Variants in FAM193A observed in about 807,000 individuals in gnomAD.
FAM193A encodes family with sequence similarity 193 member A, also known as protein FAM193A.
A neutral mutation model predicts 126.5 loss-of-function variants in FAM193A; 22 were observed. The ratio of observed to expected loss-of-function variants is 0.17; its 90% CI spans 0.12 to 0.25. The LOEUF (loss-of-function observed/expected upper bound fraction) is 0.25. Among genes scored for constraint, FAM193A ranks in the 10% least tolerant of loss-of-function variants. FAM193A has a pLI of 1.00. For missense variants in FAM193A, 1,675 were observed against 1,672.8 expected, an observed-to-expected ratio of 1.00 and a Z score of -0.02; for synonymous variants, 761 against 646.8, an observed-to-expected ratio of 1.18 and a Z score of -2.68.
intron 1 of FAM193A, among the ~76,000 whole-genome samples, chr4:2,590,028 A>G (rs1740432734): frequency 6.6e-6 from 1 of 151,660 alleles, no homozygotes; most frequent in South Asian, 2.1e-4. Context: ...CCAGCTACTC[A>G]GGAGGCTGAG....
chr4:2,619,984 C>T (rs1305409029), intron 2 of FAM193A, among the ~76,000 whole-genome samples: 4 of 152,178 alleles, frequency 2.6e-5, no homozygotes, highest in African/African-American at 7.2e-5. Flanking sequence ...AGCCACTGCA[C>T]CTGGCCTGGG....
At chr4:2,709,359 G>C (rs748045767) in intron 19 of FAM193A, among the ~76,000 whole-genome samples, 12 of 151,928 alleles carry the variant, frequency 7.9e-5, no homozygotes, top group Non-Finnish European at 1.5e-4. Flanking sequence ...TTCCGTTTTT[G>C]TTCTGTCTGT....
At chr4:2,703,686 C>T (rs958888743) in intron 19 of FAM193A, among the ~76,000 whole-genome samples, 11 of 145,292 alleles carry the variant, frequency 7.6e-5, no homozygotes, top group South Asian at 5.1e-4. Context: ...AGTGTGTTCC[C>T]GGTGTGGTGG....
chr4:2,603,983 C>A (rs1432064712), intron 2 of FAM193A, among the ~76,000 whole-genome samples: 1 of 151,844 alleles, frequency 6.6e-6, no homozygotes, highest in East Asian at 1.9e-4. Flanking sequence ...GCTGGGATTA[C>A]AGGCGTGTGT....
At chr4:2,597,305 A>G (rs530676382) in intron 2 of FAM193A, among the ~76,000 whole-genome samples, 1 of 152,338 alleles carries the variant, frequency 6.6e-6, no homozygotes, top group East Asian at 1.9e-4. Context: ...TATAAACTCT[A>G]CAAAGACAGC....
At chr4:2,571,434 C>T (rs567391904) in intron 1 of FAM193A, among the ~76,000 whole-genome samples, 1 of 152,076 alleles carries the variant, frequency 6.6e-6, no homozygotes, top group East Asian at 1.9e-4. Flanking sequence ...TAGATTTGTA[C>T]TAGGGTTTTG....
At chr4:2,725,960 G>A (rs1452818574) in intron 20 of FAM193A, among the ~76,000 whole-genome samples, 4 of 151,734 alleles carry the variant, frequency 2.6e-5, no homozygotes, top group East Asian at 1.9e-4. Context: ...GTGCAGTGGC[G>A]CGATTTCGGC....
intron 2 of FAM193A, among the ~76,000 whole-genome samples, chr4:2,599,189 C>G (rs1741046754): frequency 6.6e-6 from 1 of 152,026 alleles, no homozygotes; most frequent in Admixed American, 6.6e-5. Context: ...CACTCTCAAC[C>G]TTTCAGAATT....
At chr4:2,543,395 G>T (rs912080776) in intron 1 of FAM193A, among the ~76,000 whole-genome samples, 3 of 151,790 alleles carry the variant, frequency 2.0e-5, no homozygotes, top group African/African-American at 7.3e-5. Flanking sequence ...CACTACCTTG[G>T]GTTTCTTAAT....
At chr4:2,724,933 T>C (rs1468520692) in intron 20 of FAM193A, among the ~76,000 whole-genome samples, 1 of 152,110 alleles carries the variant, frequency 6.6e-6, no homozygotes, top group African/African-American at 2.4e-5. Flanking sequence ...TGGAGTGCAA[T>C]TGGTGCAATC....
chr4:2,560,769 T>C (rs1738562678), intron 1 of FAM193A, among the ~76,000 whole-genome samples: 2 of 152,300 alleles, frequency 1.3e-5, no homozygotes, highest in Admixed American at 1.3e-4. Flanking sequence ...TATTTTCCTT[T>C]GTATTCAGAT....
At chr4:2,578,583 G>C (rs1409066066) in intron 1 of FAM193A, among the ~76,000 whole-genome samples, 1 of 151,982 alleles carries the variant, frequency 6.6e-6, no homozygotes, top group Non-Finnish European at 1.5e-5. Flanking sequence ...GTTGACCCTT[G>C]AACGAAGGGG....
chr4:2,632,771 C>T (rs375998208), intron 5 of FAM193A, among the ~76,000 whole-genome samples: 44 of 152,276 alleles, frequency 2.9e-4, no homozygotes, highest in East Asian at 2.1e-3. Context: ...TCTGGTACCT[C>T]GTCCTTCCTC....
At chr4:2,661,955 G>A (rs545530236) in intron 10 of FAM193A, among the ~76,000 whole-genome samples, 6 of 152,252 alleles carry the variant, frequency 3.9e-5, no homozygotes, top group African/African-American at 1.2e-4. Flanking sequence ...AGGCCGAGGC[G>A]GGCGGATCAC....
At chr4:2,620,706 A>C (rs976595643) in intron 2 of FAM193A, among the ~76,000 whole-genome samples, 3 of 132,612 alleles carry the variant, frequency 2.3e-5, no homozygotes, top group African/African-American at 7.8e-5. Flanking sequence ...AAAATTAGCC[A>C]GGGGTGGTGG....
intron 2 of FAM193A, among the ~76,000 whole-genome samples, chr4:2,610,673 T>C (rs1741811537): frequency 6.6e-6 from 1 of 152,188 alleles, no homozygotes; most frequent in Admixed American, 6.5e-5. Flanking sequence ...CATTCATCAA[T>C]AGAGAGACGT....
chr4:2,670,689 G>C (rs1713690902), intron 12 of FAM193A, among the ~76,000 whole-genome samples: 1 of 152,002 alleles, frequency 6.6e-6, no homozygotes, highest in Non-Finnish European at 1.5e-5. Context: ...TGAACTCTTG[G>C]GCTCAAGTGA....
chr4:2,652,637 C>T (rs1745785473), intron 7 of FAM193A, among the ~76,000 whole-genome samples: 1 of 152,100 alleles, frequency 6.6e-6, no homozygotes, highest in Non-Finnish European at 1.5e-5. Flanking sequence ...AGAACAGCAC[C>T]TTCGGGGAAA....
chr4:2,685,966 TA>T (rs2109240765), intron 13 of FAM193A, among the ~76,000 whole-genome samples: 1 of 152,352 alleles, frequency 6.6e-6, no homozygotes, highest in East Asian at 1.9e-4. Context: ...TGTGGGTTTG[TA>T]TAACGAGTGA....
Sources: gnomAD v4.1 joint callset for allele counts (sites outside exome capture counted in the v4.1 genomes callset) on GRCh38, gnomAD v4.1.1 for gene constraint, MANE v1.5 for transcripts, NCBI Gene and HGNC (gene_info 2026-07-23, HGNC 2026-07-21) for gene names.